ZNF487: variants seen among roughly 807,000 people sequenced by gnomAD.
ZNF487 encodes the protein KRAB domain only 1.
ZNF487 carries 4 observed loss-of-function variants against 3.0 expected under a neutral mutation model. That is an observed-to-expected ratio of 1.35 (90% CI 0.66 to 3.08). ZNF487 has a LOEUF of 3.08. ZNF487 is among the 30% of genes most tolerant of loss of function. The pLI is 0.01. For synonymous variants in ZNF487, 55 were observed against 34.6 expected (o/e 1.59, Z -2.06); for missense variants, 146 against 98.7 (o/e 1.48, Z -2.03).
chr10:43,519,947 A>T, the ZNF487 span, among the ~76,000 whole-genome samples: 1 of 152,208 alleles, frequency 6.6e-6, no homozygotes, highest in Non-Finnish European at 1.5e-5. Flanking sequence ...TTTCCTGTCC[A>T]GATGGTTAAA....
the ZNF487 span, among the ~76,000 whole-genome samples, chr10:43,501,788 C>CTTTTT: frequency 2.0e-5 from 3 of 148,214 alleles, no homozygotes; most frequent in Non-Finnish European, 3.0e-5. Context: ...TTTAACTTTC[C>CTTTTT]TTTTTTTTTT....
At chr10:43,488,220 TTAAGA>T in the ZNF487 span, among the ~76,000 whole-genome samples, 2 of 152,268 alleles carry the variant, frequency 1.3e-5, no homozygotes, top group African/African-American at 4.8e-5. Flanking sequence ...AACTTTGGAC[TTAAGA>T]TAAATATCAA....
At chr10:43,518,228 G>A in the ZNF487 span, among the ~76,000 whole-genome samples, 43 of 152,242 alleles carry the variant, frequency 2.8e-4, 1 homozygote, top group South Asian at 8.1e-3. Flanking sequence ...AAGGCACTTC[G>A]CAGAATACAC....
chr10:43,496,024 G>A, the ZNF487 span: 1 of 533,474 alleles, frequency 1.9e-6, no homozygotes, highest in Non-Finnish European at 3.8e-6. Context: ...AGGGATCAGT[G>A]TCGCTCAAGG....
At chr10:43,454,664 A>G (rs1345070932) in intron 1 of ZNF487, 1 of 152,208 alleles carries the variant, frequency 6.6e-6, no homozygotes, top group Non-Finnish European at 1.5e-5. Context: ...ATTAAAATTG[A>G]TTTTGATGTA....
At chr10:43,449,112 G>GTGGTC (rs1839915114) in intron 1 of ZNF487, among the ~76,000 whole-genome samples, 1 of 151,976 alleles carries the variant, frequency 6.6e-6, no homozygotes. Context: ...CAGCCTGGGG[G>GTGGTC]ACATGGTGAA....
the ZNF487 span, among the ~76,000 whole-genome samples, chr10:43,515,814 C>A: frequency 6.6e-6 from 1 of 152,056 alleles, no homozygotes; most frequent in Non-Finnish European, 1.5e-5. Flanking sequence ...CTCGCTCGGC[C>A]GCCAGGCTGG....
rs1841094061 is a variant in ZNF487 at position 43,476,169 on chromosome 10, T to C, written c.97T>C (p.Leu33=). ...KLEHGQVLWI[L]EEESPSQSHL... is the part of the protein sequence containing the mutation. ...GGAGCATGGACAGGTGCTGTGGATA[T>C]TAGAGGAAGAGTCCCCAAGTCAGAG... is the stretch of plus-strand genomic sequence containing the variant. Residue 33 remains leucine, a synonymous_variant, in exon 3 of 4, where the codon TTA becomes CTA. Transcript: ENST00000437590. The C allele has an allele frequency of 1.4e-6, 1 of 717,330 alleles. No homozygotes were observed. The highest frequency in any genetic ancestry group is 2.6e-6 in the Non-Finnish European group (1 of 385,104). The allele number at this position is 717,330 out of a possible 1,614,324, so 44.4% of individuals were successfully genotyped here.
rs117133240 is a variant in ZNF487, at chr10:43,440,379, G to A, written c.-94+3117G>A. 1.1e-3 allele frequency among the ~76,000 whole-genome samples: 161 copies of A among 151,528 alleles called. 3 individuals are homozygous for A. The East Asian group carries it at 0.025, about 23-fold the overall frequency. Reference sequence around the variant, plus strand: ...TTTTTAATCAAAGGAGTTTAAGGACGGGCACAGTGGCTCACACCTATAATC... The same window carrying A: ...TTTTTAATCAAAGGAGTTTAAGGACAGGCACAGTGGCTCACACCTATAATC... On this transcript the variant is annotated intron_variant, in intron 1 of 3. Coordinates refer to ENST00000437590, the MANE Select transcript of ZNF487 (RefSeq NM_001355444.3).
Position 43,437,152 on chromosome 10 carries a change from G to A in ZNF487, c.-204G>A, listed in dbSNP as rs993875004. On this transcript the variant is annotated 5_prime_UTR_variant, in exon 1 of 4. Coordinates refer to ENST00000437590, the MANE Select transcript of ZNF487 (RefSeq NM_001355444.3). ...GTTTCCATGGTGAGATGGTCAACAA[G>A]CCTGTAAGTTCCTCAGCTACGACTA... is the stretch of plus-strand genomic sequence containing the variant. The A allele has an allele frequency of 4.6e-5, 13 of 284,092 alleles. No individual in the cohort carries two copies. The highest frequency in any genetic ancestry group is 1.1e-4 in the Admixed American group (2 of 17,858). 17.6% of individuals were successfully genotyped at this position (284,092 alleles called of 1,614,324 possible). A position where few individuals can be genotyped will look rare whatever the true frequency, so the allele number is the denominator to read the frequency against.
At chr10:43,437,548 A>T (rs1284241571) in intron 1 of ZNF487, among the ~76,000 whole-genome samples, 1 of 151,772 alleles carries the variant, frequency 6.6e-6, no homozygotes, top group East Asian at 1.9e-4. Flanking sequence ...TGGACCTAGG[A>T]GGCATGAGAG....
chr10:43,510,994 G>A, the ZNF487 span, among the ~76,000 whole-genome samples: 110,551 of 152,120 alleles, frequency 0.73, 41,524 homozygotes, highest in East Asian at 0.93. Context: ...CCAGCAGAAC[G>A]TAATTTTGCG....
the ZNF487 span, among the ~76,000 whole-genome samples, chr10:43,511,793 A>T: frequency 5.0e-4 from 76 of 152,244 alleles, no homozygotes; most frequent in African/African-American, 1.8e-3. Context: ...CATCCTATCC[A>T]CTTGATTATT....
the ZNF487 span, among the ~76,000 whole-genome samples, chr10:43,498,567 C>T: frequency 4.6e-5 from 7 of 151,416 alleles, no homozygotes; most frequent in African/African-American, 1.5e-4. Flanking sequence ...CGTGAGCCAC[C>T]GTGCCCAGTC....
intron 1 of ZNF487, among the ~76,000 whole-genome samples, chr10:43,473,706 G>A (rs1028586266): frequency 1.3e-5 from 2 of 150,904 alleles, no homozygotes; most frequent in Non-Finnish European, 3.0e-5. Flanking sequence ...ACTTACCTTC[G>A]CCACCTTTTA....
intron 1 of ZNF487, among the ~76,000 whole-genome samples, chr10:43,462,030 C>G (rs956516582): frequency 6.6e-6 from 1 of 152,196 alleles, no homozygotes; most frequent in Non-Finnish European, 1.5e-5. Context: ...GTAGTGAACT[C>G]AAAGCCTTAA....
At chr10:43,481,036 C>T (rs1056763429) in intron 3 of ZNF487, among the ~76,000 whole-genome samples, 5 of 151,928 alleles carry the variant, frequency 3.3e-5, no homozygotes, top group Admixed American at 2.0e-4. Context: ...CTTTGGGAGC[C>T]GAGGCAGGTG....
intron 1 of ZNF487, among the ~76,000 whole-genome samples, chr10:43,467,228 G>A (rs564841490): frequency 9.9e-5 from 15 of 151,076 alleles, no homozygotes; most frequent in African/African-American, 2.9e-4. Context: ...TTTTTGAGAC[G>A]GAGTCTTGCT....
At chr10:43,492,830 A>G in the ZNF487 span, among the ~76,000 whole-genome samples, 1 of 152,222 alleles carries the variant, frequency 6.6e-6, no homozygotes, top group Non-Finnish European at 1.5e-5. Flanking sequence ...TGGATCTGTC[A>G]TCTCACATAG....
Sources: gnomAD v4.1 joint callset for allele counts (sites outside exome capture counted in the v4.1 genomes callset) on GRCh38, gnomAD v4.1.1 for gene constraint, MANE v1.5 for transcripts, NCBI Gene and HGNC (gene_info 2026-07-23, HGNC 2026-07-21) for gene names.